Variants in GRIA4 observed in about 807,000 individuals in gnomAD.
GRIA4 encodes the protein glutamate ionotropic receptor AMPA type subunit 4, also known as glutamate receptor 4.
A neutral mutation model predicts 104.0 loss-of-function variants in GRIA4; 34 were observed. The observed-to-expected ratio is 0.33, with a 90% CI of 0.25 to 0.44. The LOEUF (loss-of-function observed/expected upper bound fraction) is 0.44. Among genes scored for constraint, GRIA4 ranks in the 20% least tolerant of loss-of-function variants. The pLI is 1.00. For synonymous variants in GRIA4, 386 were observed against 381.9 expected, an observed-to-expected ratio of 1.01 and a Z score of -0.13; for missense variants, 750 against 1,096.5, an observed-to-expected ratio of 0.68 and a Z score of 4.46.
At chr11:105,665,780 A>G (rs1377223232) in intron 3 of GRIA4, among the ~76,000 whole-genome samples, 4 of 152,070 alleles carry the variant, frequency 2.6e-5, no homozygotes, top group African/African-American at 7.2e-5. Flanking sequence ...AAAATTAGGG[A>G]GATATTATTA....
At chr11:105,777,844 C>T (rs1941520563) in intron 4 of GRIA4, among the ~76,000 whole-genome samples, 2 of 152,172 alleles carry the variant, frequency 1.3e-5, no homozygotes, top group Admixed American at 1.3e-4. Flanking sequence ...AAACCCACTA[C>T]AGCTAGCACT....
In GRIA4 at chr11:105,918,714, A is replaced by G. The variant is rs1947477414; in HGVS notation, c.1272A>G (p.Glu424=). The change falls in exon 11 of 17, where the codon GAA becomes GAG. Residue 424 remains glutamate, a splice_region_variant and synonymous_variant. Coordinates refer to ENST00000282499, the MANE Select transcript of GRIA4 (RefSeq NM_000829.4). ...NRTVVVTTIM[E]SPYVMYKKNH... ...CAGTTCTACTTCTCTCATTATAGGAATCCCCATATGTTATGTACAAGAAAA... is the reference window on the plus strand; with the variant it reads ...CAGTTCTACTTCTCTCATTATAGGAGTCCCCATATGTTATGTACAAGAAAA... 7.1e-7 allele frequency: 1 copy of G among 1,410,558 alleles called. No individual in the cohort carries two copies. Among genetic ancestry groups the G allele is most frequent in the African/African-American group, 1.4e-5 (1 of 71,010 alleles). The allele number at this position is 1,410,558 out of a possible 1,614,324, so 87.4% of individuals were successfully genotyped here. A position where few individuals can be genotyped will look rare whatever the true frequency, so the allele number is the denominator to read the frequency against.
rs1183951340 is a variant in GRIA4, at chr11:105,974,453, G to T, written c.2544+9G>T. ...AAGCGAAGAGAATGAAGGTGGCAAA[G>T]AGTGCACAGACTTTTAACCCAACTT... On this transcript the variant is annotated intron_variant, in intron 16 of 16. Coordinates refer to ENST00000282499, the MANE Select transcript of GRIA4 (RefSeq NM_000829.4). 5 of 1,613,836 alleles carry T rather than the reference G, an allele frequency of 3.1e-6. No homozygotes were observed. The South Asian group carries it at 3.3e-5, about 11-fold the overall frequency.
intron 4 of GRIA4, among the ~76,000 whole-genome samples, chr11:105,793,838 G>T (rs1942331665): frequency 6.6e-6 from 1 of 152,128 alleles, no homozygotes. Context: ...TGTCACTCTT[G>T]CCAACTGTCC....
intron 3 of GRIA4, among the ~76,000 whole-genome samples, chr11:105,687,836 T>TA (rs1952933399): frequency 6.6e-6 from 1 of 152,186 alleles, no homozygotes; most frequent in Admixed American, 6.5e-5. Context: ...ATTTCATCTC[T>TA]AAAATGCATT....
intron 13 of GRIA4, among the ~76,000 whole-genome samples, chr11:105,932,047 CTT>C (rs199671973): frequency 9.7e-5 from 14 of 144,844 alleles, no homozygotes; most frequent in Non-Finnish European, 9.1e-5. Context: ...GAGGTCTTCA[CTT>C]TTTTTTTTTT....
chr11:105,868,447 T>C (rs573035041), intron 5 of GRIA4, among the ~76,000 whole-genome samples: 18 of 152,274 alleles, frequency 1.2e-4, no homozygotes, highest in African/African-American at 3.8e-4. Context: ...GCGGAGTCTA[T>C]GTTTATTGTT....
chr11:105,694,354 G>T (rs1451810864), intron 3 of GRIA4, among the ~76,000 whole-genome samples: 1 of 151,804 alleles, frequency 6.6e-6, no homozygotes, highest in Non-Finnish European at 1.5e-5. Context: ...TCACCATGTT[G>T]GCCAGGATGG....
intron 3 of GRIA4, among the ~76,000 whole-genome samples, chr11:105,692,109 A>G (rs552339660): frequency 6.6e-5 from 10 of 152,180 alleles, no homozygotes; most frequent in African/African-American, 2.4e-4. Flanking sequence ...AGATATAAAA[A>G]TTTGATTGGA....
In GRIA4 at chr11:105,702,690, CTTTCTTTTTT is replaced by C. The variant is rs1455365968; in HGVS notation, c.248-50287_248-50278del. ...TTATAAGATATGCAAAATTATTTTC[CTTTCTTTTTT>C]TTTTTTTTTTTTTTGAGACAGAATC... On this transcript the variant is annotated intron_variant, in intron 3 of 16. Transcript: ENST00000282499. Among the ~76,000 whole-genome samples the C allele has an allele frequency of 1.2e-3, 118 of 96,120 alleles. 2 individuals are homozygous for C. The highest frequency in any genetic ancestry group is 4.5e-3 in the African/African-American group (109 of 24,390). The allele number at this position is 96,120 out of a possible 152,430, so 63.1% of individuals were successfully genotyped here.
chr11:105,830,753 A>G lies in GRIA4; in HGVS notation c.488-31271A>G, dbSNP rs560385894. ...GGCAGAAGCCTGGCTTAAGAGACCT[A>G]TTCTCCACCCAGGCAAAGGGCCTGT... is the stretch of plus-strand genomic sequence containing the variant. On this transcript the variant is annotated intron_variant, in intron 4 of 16. Coordinates refer to ENST00000282499, the MANE Select transcript of GRIA4 (RefSeq NM_000829.4). Among the ~76,000 whole-genome samples, 4 of 152,138 alleles carry G rather than the reference A, an allele frequency of 2.6e-5. No individual in the cohort carries two copies. In the South Asian group the frequency reaches 8.3e-4, roughly 32 times the overall value.
intron 4 of GRIA4, among the ~76,000 whole-genome samples, chr11:105,826,787 T>C (rs596913): frequency 0.56 from 85,164 of 151,772 alleles, 24,575 homozygotes; most frequent in African/African-American, 0.71. Context: ...AACAGTTGGG[T>C]CTACGAACAT....
chr11:105,747,941 T>C (rs1939760221), intron 3 of GRIA4, among the ~76,000 whole-genome samples: 1 of 152,200 alleles, frequency 6.6e-6, no homozygotes, highest in Admixed American at 6.5e-5. Flanking sequence ...CAATATTTAT[T>C]AATATACAGG....
chr11:105,610,969 A>T lies in GRIA4; in HGVS notation c.-29A>T, dbSNP rs370182650. ...GGAAGAGTGCGAGAGAAAGAGAGAG[A>T]GCGCGCGCCAGGGAGAGGAGAAAAG... On this transcript the variant is annotated 5_prime_UTR_variant, in exon 2 of 17. Coordinates refer to ENST00000282499, the MANE Select transcript of GRIA4 (RefSeq NM_000829.4). 2,175 of 1,424,814 alleles carry T rather than the reference A, an allele frequency of 1.5e-3. 2 individuals are homozygous for T. Among genetic ancestry groups the T allele is most frequent in the Non-Finnish European group, 2.0e-3 (2,035 of 1,012,660 alleles). 88.3% of individuals were successfully genotyped at this position (1,424,814 alleles called of 1,614,324 possible).
chr11:105,935,888 A>T (rs1300255763), intron 14 of GRIA4, among the ~76,000 whole-genome samples: 1 of 152,150 alleles, frequency 6.6e-6, no homozygotes, highest in Non-Finnish European at 1.5e-5. Context: ...GAACTGTATA[A>T]TAATCACCCA....
At chr11:105,945,223 A>C (rs184424062) in intron 14 of GRIA4, among the ~76,000 whole-genome samples, 1 of 152,132 alleles carries the variant, frequency 6.6e-6, no homozygotes, top group Non-Finnish European at 1.5e-5. Context: ...CTCTAAGCCA[A>C]TCTTCAAGGT....
At chr11:105,792,436 A>G (rs1266423399) in intron 4 of GRIA4, among the ~76,000 whole-genome samples, 1 of 152,122 alleles carries the variant, frequency 6.6e-6, no homozygotes. Context: ...ACACCTTATA[A>G]TTAAAATTTT....
chr11:105,972,703 C>G (rs898221786), intron 15 of GRIA4, among the ~76,000 whole-genome samples: 2 of 152,018 alleles, frequency 1.3e-5, no homozygotes, highest in Non-Finnish European at 2.9e-5. Context: ...ATTCCTAATT[C>G]TGTTGAGTAC....
chr11:105,813,112 A>C (rs4372412), intron 4 of GRIA4, among the ~76,000 whole-genome samples: 43,946 of 145,142 alleles, frequency 0.3, 7,117 homozygotes, highest in South Asian at 0.4. Context: ...AAAAAAAAAA[A>C]AAAGAAGAAA....
Sources: allele counts gnomAD v4.1 joint callset (sites outside exome capture counted in the v4.1 genomes callset), GRCh38; gene constraint gnomAD v4.1.1; transcripts MANE v1.5; gene names NCBI Gene and HGNC (gene_info 2026-07-23, HGNC 2026-07-21).